CBLB: variants seen among roughly 807,000 people sequenced by gnomAD.
CBLB encodes Cbl proto-oncogene B, also known as E3 ubiquitin-protein ligase CBL-B.
In CBLB, 31 loss-of-function variants were observed where a neutral mutation model predicts 104.9. The observed-to-expected ratio is 0.30, with a 90% CI of 0.22 to 0.40. CBLB has a LOEUF of 0.40. CBLB is among the 10% of genes least tolerant of loss of function. CBLB has a pLI of 1.00. For synonymous variants in CBLB, 440 were observed against 422.6 expected (o/e 1.04, Z -0.51); for missense variants, 1,062 against 1,214.6 (o/e 0.87, Z 1.87).
In CBLB at chr3:105,745,897, T is replaced by C; in HGVS notation, c.845+20A>G. The C allele has an allele frequency of 6.2e-7, 1 of 1,606,624 alleles. No homozygotes were observed. Among genetic ancestry groups the C allele is most frequent in the Non-Finnish European group, 8.5e-7 (1 of 1,173,616 alleles). On this transcript the variant is annotated intron_variant, in intron 6 of 18. Coordinates refer to ENST00000394030, the MANE Select transcript of CBLB (RefSeq NM_170662.5). ...TCATCTTTGGATATATCACATAATA[T>C]TACTGCTAAAAAGTCTTACCTTCCG...
At position 105,702,249 on chromosome 3, in the gene CBLB, T is replaced by G; in HGVS notation, c.1804A>C (p.Asn602His). Reference sequence around the variant, plus strand: ...AGGAGTCGACATCCCACAAGCTGATTAGTCCCAAACACATCCCGAGGGCAC... The same window carrying G: ...AGGAGTCGACATCCCACAAGCTGATGAGTCCCAAACACATCCCGAGGGCAC... ...AWCPRDVFGT[N>H]QLVGCRLLGE... Residue 602 changes from asparagine to histidine, a missense_variant, in exon 12 of 19, where the codon AAT becomes CAT. Asn to His is a moderately conservative substitution (Grantham distance 68). Around this residue, in one of 2 missense-constraint regions of CBLB, gnomAD observed 605 missense variants for 582.6 expected, o/e 1.04. Transcript: ENST00000394030. 1 of 1,614,072 alleles carries G rather than the reference T, an allele frequency of 6.2e-7. No individual in the cohort carries two copies. Among genetic ancestry groups the G allele is most frequent in the Non-Finnish European group, 8.5e-7 (1 of 1,179,994 alleles).
chr3:105,774,020 T>C (rs1017425999), intron 4 of CBLB, among the ~76,000 whole-genome samples: 1 of 152,230 alleles, frequency 6.6e-6, no homozygotes, highest in Non-Finnish European at 1.5e-5. Context: ...CCAAAATTCA[T>C]GTTAAAATTT....
chr3:105,657,976 G>T lies in CBLB; in HGVS notation c.*994C>A. The T allele has an allele frequency of 4.7e-6, 1 of 212,218 alleles. No homozygotes were observed. Among genetic ancestry groups the T allele is most frequent in the Non-Finnish European group, 9.5e-6 (1 of 104,882 alleles). 13.1% of individuals were successfully genotyped at this position (212,218 alleles called of 1,614,324 possible). On this transcript the variant is annotated 3_prime_UTR_variant, in exon 19 of 19. Transcript: ENST00000394030. ...TGGGAAATGAACTCTAATTCCACTT[G>T]AGAAAAGGTATGTTATGTTCATAAT...
intron 3 of CBLB, among the ~76,000 whole-genome samples, chr3:105,785,988 G>A (rs1433872918): frequency 7.4e-6 from 1 of 135,686 alleles, no homozygotes; most frequent in Non-Finnish European, 1.5e-5. Context: ...TGCCAGTGGG[G>A]CCCTTTGAAG....
rs147272644 is a variant in CBLB at position 105,683,261 on chromosome 3, G to A, written c.2202-1443C>T. Reference sequence around the variant, plus strand: ...TTCACTTCTCCTGATGTTCCAAAGGGGGAAAAATACACACAGGGAAAGAAA... The same window carrying A: ...TTCACTTCTCCTGATGTTCCAAAGGAGGAAAAATACACACAGGGAAAGAAA... On this transcript the variant is annotated intron_variant, in intron 14 of 18. Coordinates refer to ENST00000394030, the MANE Select transcript of CBLB (RefSeq NM_170662.5). Among the ~76,000 whole-genome samples, 10 of 152,168 alleles carry A rather than the reference G, an allele frequency of 6.6e-5. 1 individual carries two copies. The East Asian group carries it at 1.9e-3, about 29-fold the overall frequency.
At chr3:105,821,945 T>C (rs915843902) in intron 3 of CBLB, among the ~76,000 whole-genome samples, 1 of 152,148 alleles carries the variant, frequency 6.6e-6, no homozygotes, top group South Asian at 2.1e-4. Context: ...AATGTTATGA[T>C]ACTAAACACA....
intron 3 of CBLB, among the ~76,000 whole-genome samples, chr3:105,779,562 A>G (rs891679583): frequency 6.6e-6 from 1 of 151,762 alleles, no homozygotes; most frequent in Non-Finnish European, 1.5e-5. Flanking sequence ...ACTCACACAC[A>G]CTCCATATAT....
chr3:105,786,194 T>C (rs1017726504), intron 3 of CBLB, among the ~76,000 whole-genome samples: 8 of 152,034 alleles, frequency 5.3e-5, no homozygotes, highest in South Asian at 2.1e-4. Flanking sequence ...GTGTTGTAAA[T>C]AGGAAAACAA....
chr3:105,757,545 C>T (rs1409303336), intron 4 of CBLB, among the ~76,000 whole-genome samples: 1 of 152,134 alleles, frequency 6.6e-6, no homozygotes, highest in Non-Finnish European at 1.5e-5. Flanking sequence ...ATACTGTAAA[C>T]ATGGATTATG....
chr3:105,759,181 A>G (rs1301999171), intron 4 of CBLB, among the ~76,000 whole-genome samples: 1 of 151,986 alleles, frequency 6.6e-6, no homozygotes, highest in Non-Finnish European at 1.5e-5. Context: ...AGTCAAAGAG[A>G]CTCAAATTGG....
In CBLB at chr3:105,658,730, A is replaced by G. The variant is rs957300230; in HGVS notation, c.*240T>C. On this transcript the variant is annotated 3_prime_UTR_variant, in exon 19 of 19. Coordinates refer to ENST00000394030, the MANE Select transcript of CBLB (RefSeq NM_170662.5). ...GTTCAAGGGAAGTAAACGTCTTTAA[A>G]TTATTTTTGTCAGTTCAACCCTGAT... is the stretch of plus-strand genomic sequence containing the variant. The G allele has an allele frequency of 3.6e-6, 2 of 551,546 alleles. No homozygotes were observed. Among genetic ancestry groups the G allele is most frequent in the Non-Finnish European group, 6.4e-6 (2 of 310,212 alleles). 34.2% of individuals were successfully genotyped at this position (551,546 alleles called of 1,614,324 possible). A position where few individuals can be genotyped will look rare whatever the true frequency, so the allele number is the denominator to read the frequency against.
chr3:105,715,277 G>C (rs2071689412), intron 10 of CBLB, among the ~76,000 whole-genome samples: 1 of 152,138 alleles, frequency 6.6e-6, no homozygotes, highest in Non-Finnish European at 1.5e-5. Context: ...GAAAACTCAG[G>C]CAACGATACA....
At chr3:105,749,968 A>G (rs890094557) in intron 5 of CBLB, among the ~76,000 whole-genome samples, 1 of 152,160 alleles carries the variant, frequency 6.6e-6, no homozygotes, top group Non-Finnish European at 1.5e-5. Flanking sequence ...TACCCTATAT[A>G]GAAGGTAGAA....
intron 18 of CBLB, among the ~76,000 whole-genome samples, chr3:105,663,411 G>A (rs1439509396): frequency 2.0e-5 from 3 of 152,166 alleles, no homozygotes; most frequent in Non-Finnish European, 4.4e-5. Context: ...TTGGTCAGCT[G>A]CTTGACTGAT....
intron 3 of CBLB, among the ~76,000 whole-genome samples, chr3:105,834,156 G>A (rs1311864463): frequency 1.7e-5 from 2 of 120,172 alleles, no homozygotes; most frequent in Non-Finnish European, 3.5e-5. Flanking sequence ...AGTTAGACCG[G>A]AGACATAAGT....
chr3:105,807,582 T>G (rs895643379), intron 3 of CBLB, among the ~76,000 whole-genome samples: 1 of 152,106 alleles, frequency 6.6e-6, no homozygotes, highest in African/African-American at 2.4e-5. Flanking sequence ...TCATCATAGT[T>G]GGATATAATC....
At chr3:105,669,806 T>C (rs2064874136) in intron 18 of CBLB, among the ~76,000 whole-genome samples, 1 of 152,162 alleles carries the variant, frequency 6.6e-6, no homozygotes, top group African/African-American at 2.4e-5. Context: ...CATCCTTCTA[T>C]TTGATGGCTG....
intron 5 of CBLB, among the ~76,000 whole-genome samples, chr3:105,750,185 A>T (rs1290200892): frequency 2.0e-5 from 3 of 151,946 alleles, no homozygotes; most frequent in East Asian, 1.9e-4. Context: ...CGCCCAGCTA[A>T]TTTTTTGTAT....
chr3:105,831,205 G>A (rs1157562307), intron 3 of CBLB, among the ~76,000 whole-genome samples: 1 of 152,146 alleles, frequency 6.6e-6, no homozygotes, highest in East Asian at 1.9e-4. Flanking sequence ...GAGATATCCA[G>A]CACCAAAGAA....
Sources: gnomAD v4.1 joint callset for allele counts (sites outside exome capture counted in the v4.1 genomes callset) on GRCh38, gnomAD v4.1.1 for gene constraint, gnomAD v4.1.1 regional missense constraint, MANE v1.5 for transcripts, NCBI Gene and HGNC (gene_info 2026-07-23, HGNC 2026-07-21) for gene names.